Variants in GPHN observed in about 807,000 individuals in gnomAD.
GPHN encodes gephyrin.
GPHN carries 17 observed loss-of-function variants against 95.5 expected under a neutral mutation model. The ratio of observed to expected loss-of-function variants is 0.18; its 90% CI spans 0.12 to 0.27. GPHN has a LOEUF of 0.27. Among genes scored for constraint, GPHN ranks in the 10% least tolerant of loss-of-function variants. The pLI, the probability that GPHN is intolerant of heterozygous loss-of-function variation, is 1.00. For synonymous variants in GPHN, 320 were observed against 322.5 expected (o/e 0.99, Z 0.08); for missense variants, 660 against 978.1 (o/e 0.67, Z 4.34).
At chr14:67,482,664 A>G in the GPHN span, among the ~76,000 whole-genome samples, 1 of 152,188 alleles carries the variant, frequency 6.6e-6, no homozygotes, top group Non-Finnish European at 1.5e-5. Flanking sequence ...TCAATGAGGA[A>G]AGGGCAGAAA....
chr14:67,590,346 A>G, the GPHN span, among the ~76,000 whole-genome samples: 1 of 144,208 alleles, frequency 6.9e-6, no homozygotes, highest in Admixed American at 7.3e-5. Flanking sequence ...TCCGCCTCCC[A>G]GGTTCAAGTG....
intron 8 of GPHN, among the ~76,000 whole-genome samples, chr14:66,944,745 T>C (rs138742190): frequency 3.3e-5 from 5 of 152,210 alleles, no homozygotes; most frequent in African/African-American, 7.2e-5. Flanking sequence ...TGCAAATAAG[T>C]TCTTCCACCA....
chr14:67,504,076 C>T, the GPHN span, among the ~76,000 whole-genome samples: 7 of 151,574 alleles, frequency 4.6e-5, no homozygotes, highest in Non-Finnish European at 1.0e-4. Flanking sequence ...TGCAGTCGTG[C>T]GATCTCGGCT....
intron 4 of GPHN, among the ~76,000 whole-genome samples, chr14:66,866,195 C>T (rs1045447563): frequency 6.6e-6 from 1 of 152,084 alleles, no homozygotes; most frequent in Non-Finnish European, 1.5e-5. Flanking sequence ...CCATATTATG[C>T]ATTAGATTTC....
At chr14:66,784,352 T>G (rs1326884645) in intron 3 of GPHN, among the ~76,000 whole-genome samples, 2 of 152,058 alleles carry the variant, frequency 1.3e-5, no homozygotes, top group Non-Finnish European at 2.9e-5. Flanking sequence ...AAGGACATAC[T>G]CAAACGCGAA....
the GPHN span, among the ~76,000 whole-genome samples, chr14:67,734,822 C>G: frequency 6.6e-6 from 1 of 152,192 alleles, no homozygotes; most frequent in Non-Finnish European, 1.5e-5. Flanking sequence ...CTGCGTTATC[C>G]CCATCTCCTT....
chr14:67,609,129 G>A, the GPHN span, among the ~76,000 whole-genome samples: 1 of 151,616 alleles, frequency 6.6e-6, no homozygotes, highest in Non-Finnish European at 1.5e-5. Context: ...TTGGGTTCAG[G>A]TAATTTTGTA....
the GPHN span, among the ~76,000 whole-genome samples, chr14:67,628,796 G>A: frequency 6.6e-6 from 1 of 152,210 alleles, no homozygotes; most frequent in Non-Finnish European, 1.5e-5. Context: ...ATAAAATGGA[G>A]CTGCTATGGA....
the GPHN span, among the ~76,000 whole-genome samples, chr14:67,511,786 T>A: frequency 6.6e-6 from 1 of 152,160 alleles, no homozygotes; most frequent in Non-Finnish European, 1.5e-5. Context: ...GCATGAAGTA[T>A]AGCCTCACAG....
intron 2 of GPHN, among the ~76,000 whole-genome samples, chr14:66,750,344 G>A (rs78608612): frequency 0.012 from 1,819 of 151,742 alleles, 19 homozygotes; most frequent in Non-Finnish European, 0.018. Flanking sequence ...TCCTTGGCTG[G>A]GATTCCAATT....
intron 8 of GPHN, among the ~76,000 whole-genome samples, chr14:66,930,909 A>G (rs2066755717): frequency 6.6e-6 from 1 of 152,176 alleles, no homozygotes; most frequent in Non-Finnish European, 1.5e-5. Context: ...AGTGTATAAT[A>G]TTCTGTGTTT....
At chr14:67,576,143 G>A in the GPHN span, 1 of 697,312 alleles carries the variant, frequency 1.4e-6, no homozygotes, top group Admixed American at 3.0e-5. This position sits in a 1 kb window ranked among gnomAD's most constrained non-coding sequence, Gnocchi z 4.0. Flanking sequence ...CTCTGAATGG[G>A]AATATTCCTT....
At chr14:66,519,657 A>G (rs1463236802) in intron 1 of GPHN, among the ~76,000 whole-genome samples, 1 of 152,058 alleles carries the variant, frequency 6.6e-6, no homozygotes, top group Non-Finnish European at 1.5e-5. Context: ...CCTGACCTTG[A>G]TAGGCATTTG....
chr14:67,031,000 T>TTTTGTTTG (rs61031989), intron 10 of GPHN, among the ~76,000 whole-genome samples: 35 of 150,238 alleles, frequency 2.3e-4, no homozygotes, highest in East Asian at 4.0e-4. Flanking sequence ...ATACTGGGGG[T>TTTTGTTTG]TTTGTTTGTT....
chr14:67,566,559 A>G, the GPHN span, among the ~76,000 whole-genome samples: 3 of 148,378 alleles, frequency 2.0e-5, no homozygotes. Context: ...AACCTGGGCA[A>G]CACGGCGAAA....
intron 2 of GPHN, among the ~76,000 whole-genome samples, chr14:66,750,402 T>TA (rs1171029310): frequency 6.6e-6 from 1 of 151,862 alleles, no homozygotes; most frequent in African/African-American, 2.4e-5. Flanking sequence ...AAATCAGACT[T>TA]ATAATTGTAG....
chr14:66,703,817 G>GC (rs2068790836), intron 2 of GPHN, among the ~76,000 whole-genome samples: 1 of 151,934 alleles, frequency 6.6e-6, no homozygotes, highest in African/African-American at 2.4e-5. Context: ...TGGGCTAAAT[G>GC]CCCCAATTAA....
the GPHN span, among the ~76,000 whole-genome samples, chr14:67,662,273 C>T: frequency 0.043 from 6,576 of 152,200 alleles, 378 homozygotes; most frequent in African/African-American, 0.13. Flanking sequence ...CAAAGAGTCA[C>T]ATTTCAGGAG....
the GPHN span, among the ~76,000 whole-genome samples, chr14:67,315,337 C>T: frequency 7.7e-6 from 1 of 129,134 alleles, no homozygotes; most frequent in Non-Finnish European, 1.5e-5. Flanking sequence ...AGTGCAGTGG[C>T]ATGATCTCAG....
Sources: gnomAD v4.1 joint callset for allele counts (sites outside exome capture counted in the v4.1 genomes callset) on GRCh38, gnomAD v4.1.1 for gene constraint, Gnocchi (gnomAD v3.1) non-coding constraint, MANE v1.5 for transcripts, NCBI Gene and HGNC (gene_info 2026-07-23, HGNC 2026-07-21) for gene names.